PCDHGA4: variants seen among roughly 807,000 people sequenced by gnomAD.
The protein encoded by PCDHGA4 is protocadherin gamma subfamily A, 4, also known as protocadherin gamma-A4.
A neutral mutation model predicts 54.6 loss-of-function variants in PCDHGA4; 38 were observed. That is an observed-to-expected ratio of 0.70 (90% CI 0.54 to 0.91). The LOEUF (loss-of-function observed/expected upper bound fraction) is 0.91. Among genes scored for constraint, PCDHGA4 ranks in the 40% least tolerant of loss-of-function variants. The probability of loss-of-function intolerance (pLI) is 0.00; values close to 1 mark genes in which losing one functional copy is unlikely to be tolerated. For missense variants in PCDHGA4, 1,298 were observed against 1,220.9 expected (o/e 1.06, Z -0.94); for synonymous variants, 511 against 512.9 (o/e 1.00, Z 0.05).
At chr5:141,404,703 C>T (rs545479443) in intron 1 of PCDHGA4, 3 of 1,614,124 alleles carry the variant, frequency 1.9e-6, no homozygotes, top group African/African-American at 2.7e-5. Flanking sequence ...TCTGCAGAGC[C>T]TGGCTACCTG....
intron 3 of PCDHGA4, among the ~76,000 whole-genome samples, chr5:141,506,441 T>C (rs1940889203): frequency 9.8e-6 from 1 of 101,930 alleles, no homozygotes; most frequent in South Asian, 3.0e-4. Flanking sequence ...TCTCGCTCTG[T>C]CTCAAAAAAA....
In PCDHGA4 at chr5:141,407,971, G is replaced by C. The variant is rs1399304138; in HGVS notation, c.2514+50350G>C. The C allele has an allele frequency of 7.0e-5, 50 of 717,762 alleles. No homozygotes were observed. In the South Asian group the frequency reaches 1.2e-3, roughly 17 times the overall value. 44.5% of individuals were successfully genotyped at this position (717,762 alleles called of 1,614,324 possible). On this transcript the variant is annotated intron_variant, in intron 1 of 3. Coordinates refer to ENST00000571252, the MANE Select transcript of PCDHGA4 (RefSeq NM_018917.4). The stretch of plus-strand genomic sequence containing the variant: ...CGGCCAGTGCAGAGCAAGCGCTGAC[G>C]CCGGGGATCCGTCAGCCTCTGGCCT...
At chr5:141,474,893 T>C (rs1406276730) in intron 1 of PCDHGA4, among the ~76,000 whole-genome samples, 1 of 152,256 alleles carries the variant, frequency 6.6e-6, no homozygotes, top group East Asian at 1.9e-4. Flanking sequence ...TAGAGGTTCA[T>C]TTCTTGTTCA....
At position 141,486,230 on chromosome 5, in the gene PCDHGA4, A is replaced by G. The variant is rs1463946178; in HGVS notation, c.2515-8577A>G. ...TGACAATGCCCCTTACATCACAGTG[A>G]CCTCAGAGCTTGGAACCCTCCCCGA... On this transcript the variant is annotated intron_variant, in intron 1 of 3. Coordinates refer to ENST00000571252, the MANE Select transcript of PCDHGA4 (RefSeq NM_018917.4). This position sits in a 1 kb window ranked among gnomAD's most constrained non-coding sequence, Gnocchi z 5.0. 2 of 1,613,898 alleles carry G rather than the reference A, an allele frequency of 1.2e-6. No individual in the cohort carries two copies. The highest frequency in any genetic ancestry group is 2.2e-5 in the East Asian group (1 of 44,878).
intron 1 of PCDHGA4, chr5:141,361,812 G>A (rs748753973): frequency 1.9e-6 from 3 of 1,613,072 alleles, no homozygotes; most frequent in Non-Finnish European, 1.7e-6. Context: ...ATGACAATGC[G>A]CCACGGGTGC....
chr5:141,385,181 C>T (rs201394036), intron 1 of PCDHGA4: 5 of 1,614,202 alleles, frequency 3.1e-6, no homozygotes, highest in Non-Finnish European at 3.4e-6. Flanking sequence ...TCCCTCACCG[C>T]GGACTCTCGG....
Position 141,486,219 on chromosome 5 carries a change from A to G in PCDHGA4, c.2515-8588A>G. 1 of 1,614,134 alleles carries G rather than the reference A, an allele frequency of 6.2e-7. No individual in the cohort carries two copies. Among genetic ancestry groups the G allele is most frequent in the African/African-American group, 1.3e-5 (1 of 75,042 alleles). ...CTGGACGTAAATGACAATGCCCCTT[A>G]CATCACAGTGACCTCAGAGCTTGGA... On this transcript the variant is annotated intron_variant, in intron 1 of 3. Transcript: ENST00000571252. This position sits in a 1 kb window ranked among gnomAD's most constrained non-coding sequence, Gnocchi z 5.0.
In PCDHGA4 at chr5:141,486,565, T is replaced by C; in HGVS notation, c.2515-8242T>C. ...TTCAGAGGTCACATGAGGTGTTTGT[T>C]CCTGAGAACAATCGCCCAGGGGACC... On this transcript the variant is annotated intron_variant, in intron 1 of 3. Coordinates refer to ENST00000571252, the MANE Select transcript of PCDHGA4 (RefSeq NM_018917.4). The surrounding 1 kb of genome is among the most constrained non-coding windows in gnomAD (Gnocchi z 5.0). 6.2e-7 allele frequency: 1 copy of C among 1,614,024 alleles called. No homozygotes were observed. Among genetic ancestry groups the C allele is most frequent in the Non-Finnish European group, 8.5e-7 (1 of 1,180,032 alleles).
Position 141,477,187 on chromosome 5 carries a change from G to A in PCDHGA4, c.2515-17620G>A, listed in dbSNP as rs2154575648. ...CCCCGGAGATCACAGTCACCTCCGT[G>A]TACAGCCCAGTACCCGAGGATGCCC... On this transcript the variant is annotated intron_variant, in intron 1 of 3. Coordinates refer to ENST00000571252, the MANE Select transcript of PCDHGA4 (RefSeq NM_018917.4). The surrounding 1 kb of genome is among the most constrained non-coding windows in gnomAD (Gnocchi z 4.9). The A allele has an allele frequency of 6.2e-7, 1 of 1,614,190 alleles. No individual in the cohort carries two copies. The highest frequency in any genetic ancestry group is 2.2e-5 in the East Asian group (1 of 44,874).
chr5:141,376,168 G>A (rs757765992), intron 1 of PCDHGA4: 64 of 1,613,990 alleles, frequency 4.0e-5, no homozygotes, highest in East Asian at 2.2e-4. Flanking sequence ...ACCTGGTGGT[G>A]GCGGTGGCCG....
chr5:141,408,263 C>G, intron 1 of PCDHGA4: 1 of 1,606,854 alleles, frequency 6.2e-7, no homozygotes. Flanking sequence ...ATTTCCTTTG[C>G]TGCTGCCTTT....
chr5:141,387,177 T>C (rs989484840), intron 1 of PCDHGA4, among the ~76,000 whole-genome samples: 2 of 152,184 alleles, frequency 1.3e-5, no homozygotes, highest in Non-Finnish European at 2.9e-5. Context: ...AATTGCACCT[T>C]CTAAAAGGCA....
intron 1 of PCDHGA4, chr5:141,375,109 T>C (rs199796645): frequency 4.0e-5 from 65 of 1,613,834 alleles, no homozygotes; most frequent in Non-Finnish European, 5.3e-5. Flanking sequence ...ATGTCAATGA[T>C]AATGTACCAG....
At chr5:141,450,727 T>G (rs1592137328) in intron 1 of PCDHGA4, among the ~76,000 whole-genome samples, 1 of 152,080 alleles carries the variant, frequency 6.6e-6, no homozygotes, top group Non-Finnish European at 1.5e-5. Flanking sequence ...CCTCAGGTGA[T>G]CCGCCCGCCT....
At chr5:141,461,185 C>T (rs2154567265) in intron 1 of PCDHGA4, among the ~76,000 whole-genome samples, 1 of 152,134 alleles carries the variant, frequency 6.6e-6, no homozygotes, top group East Asian at 1.9e-4. Context: ...AATGGTAGAT[C>T]TGTTTTTTGC....
chr5:141,441,627 G>C (rs1239011684), intron 1 of PCDHGA4: 1 of 223,512 alleles, frequency 4.5e-6, no homozygotes, highest in Non-Finnish European at 9.0e-6. Context: ...CAGTGACCTG[G>C]AGCCACAGGC....
At chr5:141,357,736 T>C (rs1561515678) in intron 1 of PCDHGA4, 115 bp downstream of exon 1, 6 of 1,323,830 alleles carry the variant, frequency 4.5e-6, no homozygotes, top group Non-Finnish European at 6.1e-6. Context: ...TAATATTTTA[T>C]TGCTTTAAAG....
intron 1 of PCDHGA4, chr5:141,366,943 A>T (rs1481461689): frequency 1.3e-6 from 1 of 775,624 alleles, no homozygotes; most frequent in Non-Finnish European, 2.0e-6. Context: ...AGTCTAGCTG[A>T]TATCTGTAGA....
chr5:141,389,083 A>T, intron 1 of PCDHGA4: 3 of 1,614,058 alleles, frequency 1.9e-6, no homozygotes, highest in Non-Finnish European at 2.5e-6. Context: ...AGAAACACGT[A>T]TAAATTAGTG....
Sources: allele counts gnomAD v4.1 joint callset (sites outside exome capture counted in the v4.1 genomes callset), GRCh38; gene constraint gnomAD v4.1.1; non-coding constraint Gnocchi (gnomAD v3.1); transcripts MANE v1.5; gene names NCBI Gene and HGNC (gene_info 2026-07-23, HGNC 2026-07-21).